Variants in ZIC5 observed in about 807,000 individuals in gnomAD.
ZIC5 encodes zinc finger protein ZIC 5.
ZIC5 carries 20 observed loss-of-function variants against 28.5 expected under a neutral mutation model. That is an observed-to-expected ratio of 0.70 (90% CI 0.49 to 1.02). The LOEUF (loss-of-function observed/expected upper bound fraction) is 1.02. Among genes scored for constraint, ZIC5 ranks in the 50% least tolerant of loss-of-function variants. The pLI, the probability that ZIC5 is intolerant of heterozygous loss-of-function variation, is 0.00. For missense variants in ZIC5, 951 were observed against 899.7 expected (o/e 1.06, Z -0.73); for synonymous variants, 488 against 410.4 (o/e 1.19, Z -2.29).
chr13:99,969,040 G>A (rs998721435), intron 1 of ZIC5, among the ~76,000 whole-genome samples: 1 of 152,236 alleles, frequency 6.6e-6, no homozygotes, highest in African/African-American at 2.4e-5. Flanking sequence ...CCTCCGAGGG[G>A]TAATCGTATC....
At chr13:99,969,010 A>T (rs2053123650) in intron 1 of ZIC5, among the ~76,000 whole-genome samples, 1 of 152,196 alleles carries the variant, frequency 6.6e-6, no homozygotes. Context: ...ACTGAACGTA[A>T]ACTCCAGTTA....
At position 99,964,527 on chromosome 13, in the gene ZIC5, A is replaced by G. The variant is rs1289893142; in HGVS notation, c.*850T>C. ...CATATAGGAAAAAGAAAGCACTTGA[A>G]TTTCTTCTATTTTATAAAATATCAC... is the stretch of plus-strand genomic sequence containing the variant. On this transcript the variant is annotated 3_prime_UTR_variant, in exon 2 of 2. Transcript: ENST00000267294. 6.6e-6 allele frequency: 1 copy of G among 152,258 alleles called. No individual in the cohort carries two copies. The highest frequency in any genetic ancestry group is 1.5e-5 in the Non-Finnish European group (1 of 67,978). 9.4% of individuals were successfully genotyped at this position (152,258 alleles called of 1,614,324 possible).
At chr13:99,966,439 T>G (rs930839363) in intron 1 of ZIC5, among the ~76,000 whole-genome samples, 1 of 152,146 alleles carries the variant, frequency 6.6e-6, no homozygotes, top group Non-Finnish European at 1.5e-5. Context: ...TGTTTTTCTT[T>G]AGAAATAGAG....
rs71114653 is a variant in ZIC5, at chr13:99,970,413, TGGCGGCGGCGGCGGCGGCGGCGGCGGC to T, written c.1164_1190del (p.Pro392_Pro400del). The T allele has an allele frequency of 3.6e-5, 40 of 1,106,666 alleles. 8 individuals carry two copies. Among genetic ancestry groups the T allele is most frequent in the East Asian group, 1.7e-4 (3 of 18,046 alleles). The allele number at this position is 1,106,666 out of a possible 1,614,324, so 68.6% of individuals were successfully genotyped here. ...GCTTGGCGCCGCCGGCCGGGGGCGG[TGGCGGCGGCGGCGGCGGCGGCGGCGGC>T]GGCGGCGGCAGCCCGGCCAGCTCGT... On this transcript the variant is annotated inframe_deletion, in exon 1 of 2. Transcript: ENST00000267294.
chr13:99,969,988 T>G (rs1594284039), intron 1 of ZIC5, 139 bp downstream of exon 1: 1 of 1,319,290 alleles, frequency 7.6e-7, no homozygotes, highest in Non-Finnish European at 1.0e-6. Context: ...CATGTCCGGG[T>G]TATACGTATG....
In ZIC5 at chr13:99,970,550, G is replaced by A. The variant is rs752569231; in HGVS notation, c.1054C>T (p.His352Tyr). 15 of 1,084,438 alleles carry A rather than the reference G, an allele frequency of 1.4e-5. No individual in the cohort carries two copies. The highest frequency in any genetic ancestry group is 1.7e-5 in the Non-Finnish European group (15 of 893,008). The allele number at this position is 1,084,438 out of a possible 1,614,324, so 67.2% of individuals were successfully genotyped here. ...AAGGCCCCAGCCGCCCCTGGGAGGT[G>A]GGGGTGGTGCTGGTGCGGGTGCTGC... ...PAQHPHQHHP[H>Y]LPGAAGAFLR... The change falls in exon 1 of 2, where the codon CAC (histidine) becomes TAC (tyrosine). Residue 352 changes from histidine to tyrosine, a missense_variant. His to Tyr is a moderately conservative substitution (Grantham distance 83, BLOSUM62 2). Transcript: ENST00000267294.
chr13:99,970,252 T>G lies in ZIC5; in HGVS notation c.1352A>C (p.Lys451Thr). ...GCGGATGTGGTTGATGAGCTTGTATTTGGCCTTGAAGGGCTTGCCCTCGCG... is the reference window on the plus strand; with the variant it reads ...GCGGATGTGGTTGATGAGCTTGTATGTGGCCTTGAAGGGCTTGCCCTCGCG... ...CPREGKPFKA[K>T]YKLINHIRVH... The change falls in exon 1 of 2, where the codon AAA becomes ACA. Residue 451 changes from lysine to threonine, a missense_variant. Transcript: ENST00000267294. The G allele has an allele frequency of 6.2e-7, 1 of 1,613,756 alleles. No homozygotes were observed. Among genetic ancestry groups the G allele is most frequent in the Non-Finnish European group, 8.5e-7 (1 of 1,179,856 alleles).
In ZIC5 at chr13:99,970,313, G is replaced by C; in HGVS notation, c.1291C>G (p.Gln431Glu). 1 of 1,613,122 alleles carries C rather than the reference G, an allele frequency of 6.2e-7. No homozygotes were observed. The highest frequency in any genetic ancestry group is 8.5e-7 in the Non-Finnish European group (1 of 1,179,614). Reference protein sequence around the residue: ...VTVEHVGGPEQSSHVCFWEDC... With the variant: ...VTVEHVGGPEESSHVCFWEDC... ...TCCCAGAAGCAGACGTGGCTGCTCT[G>C]CTCGGGGCCTCCCACGTGCTCCACC... is the stretch of plus-strand genomic sequence containing the variant. The change falls in exon 1 of 2, where the codon CAG becomes GAG. Residue 431 changes from glutamine (Q) to glutamate (E), a missense_variant. Coordinates refer to ENST00000267294, the MANE Select transcript of ZIC5 (RefSeq NM_033132.5).
chr13:99,971,880 C>G (rs2053164301), upstream of ZIC5: 1 of 654,858 alleles, frequency 1.5e-6, no homozygotes, highest in Non-Finnish European at 2.6e-6. Context: ...GGCTCCCGTT[C>G]AGGCCCTCGA....
At chr13:99,966,680 T>A (rs1375687198) in intron 1 of ZIC5, among the ~76,000 whole-genome samples, 1 of 152,168 alleles carries the variant, frequency 6.6e-6, no homozygotes, top group Non-Finnish European at 1.5e-5. Flanking sequence ...TGCTTACTAG[T>A]CAAAAAGACC....
chr13:99,970,811 C>A lies in ZIC5; in HGVS notation c.793G>T (p.Ala265Ser). 1 of 1,208,684 alleles carries A rather than the reference C, an allele frequency of 8.3e-7. No individual in the cohort carries two copies. Among genetic ancestry groups the A allele is most frequent in the Non-Finnish European group, 1.0e-6 (1 of 977,506 alleles). 74.9% of individuals were successfully genotyped at this position (1,208,684 alleles called of 1,614,324 possible). A position where few individuals can be genotyped will look rare whatever the true frequency, so the allele number is the denominator to read the frequency against. ...GQMRLGLAAA[A>S]AAAAAELYGR... ...TACAGCTCAGCCGCCGCGGCTGCCG[C>A]TGCCGCCGCCAGCCCCAGGCGCATC... is the stretch of plus-strand genomic sequence containing the variant. The change falls in exon 1 of 2, where the codon GCG (alanine) becomes TCG (serine). Residue 265 changes from alanine to serine, a missense_variant. Around this residue, in one of 3 missense-constraint regions of ZIC5, gnomAD observed 784 missense variants for 660.1 expected, o/e 1.19. Transcript: ENST00000267294.
In ZIC5 at chr13:99,971,000, C is replaced by G. The variant is rs930308597; in HGVS notation, c.604G>C (p.Gly202Arg). Residue 202 changes from glycine to arginine, a missense_variant, in exon 1 of 2, where the codon GGC (glycine) becomes CGC (arginine). This residue lies in a region of ZIC5 where 784 missense variants were observed against 660.1 expected (regional missense o/e 1.19). Coordinates refer to ENST00000267294, the MANE Select transcript of ZIC5 (RefSeq NM_033132.5). ...PLGGEQRSGT[G>R]SPQHPAPPPH... ...GGCGGGGCCGGGTGCTGGGGGGAGC[C>G]GGTGCCGGACCGCTGCTCCCCTCCG... 7 of 1,405,496 alleles carry G rather than the reference C, an allele frequency of 5.0e-6. No homozygotes were observed. In the Admixed American group the frequency reaches 1.5e-4, roughly 31 times the overall value. The allele number at this position is 1,405,496 out of a possible 1,614,324, so 87.1% of individuals were successfully genotyped here.
At chr13:99,966,347 T>C (rs1276204857) in intron 1 of ZIC5, among the ~76,000 whole-genome samples, 1 of 152,170 alleles carries the variant, frequency 6.6e-6, no homozygotes, top group African/African-American at 2.4e-5. Flanking sequence ...TTCCTTTCAG[T>C]GTTCTCCAGG....
At chr13:99,968,455 G>A (rs916801570) in intron 1 of ZIC5, among the ~76,000 whole-genome samples, 1 of 152,018 alleles carries the variant, frequency 6.6e-6, no homozygotes, top group East Asian at 1.9e-4. Flanking sequence ...CCCCACGCAC[G>A]CGCGCGTGCC....
At position 99,971,250 on chromosome 13, in the gene ZIC5, G is replaced by T; in HGVS notation, c.354C>A (p.Ser118Arg). ...GAGSYPCGGG[S>R]SGAQPSAPPP... ...GGGGCGCGGAGGGCTGCGCGCCACT[G>T]CTGCCCCCGCCGCAGGGGTAGCTGC... The change falls in exon 1 of 2, where the codon AGC becomes AGA. Residue 118 changes from serine (S) to arginine (R), a missense_variant. Ser to Arg is a moderately radical substitution (Grantham distance 110). Around this residue, in one of 3 missense-constraint regions of ZIC5, gnomAD observed 784 missense variants for 660.1 expected, o/e 1.19. Transcript: ENST00000267294. 7.5e-7 allele frequency: 1 copy of T among 1,325,744 alleles called. No individual in the cohort carries two copies. The highest frequency in any genetic ancestry group is 9.6e-7 in the Non-Finnish European group (1 of 1,046,510). 82.1% of individuals were successfully genotyped at this position (1,325,744 alleles called of 1,614,324 possible).
At position 99,963,168 on chromosome 13, in the gene ZIC5, C is replaced by T. The variant is rs2053069994; in HGVS notation, c.*2209G>A. On this transcript the variant is annotated 3_prime_UTR_variant, in exon 2 of 2. Transcript: ENST00000267294. Reference sequence around the variant, plus strand: ...GAGTTAACCTATGCATGGTAAAATACATAAAATACATATTCCTTTGTTTCA... The same window carrying T: ...GAGTTAACCTATGCATGGTAAAATATATAAAATACATATTCCTTTGTTTCA... The T allele has an allele frequency of 6.6e-6, 1 of 152,390 alleles. No individual in the cohort carries two copies. The allele number at this position is 152,390 out of a possible 1,614,324, so 9.4% of individuals were successfully genotyped here.
intron 1 of ZIC5, 58 bp downstream of exon 1, chr13:99,970,057 AGCGGCGGAAGCG>A: frequency 6.3e-7 from 1 of 1,593,034 alleles, no homozygotes; most frequent in East Asian, 2.3e-5. Flanking sequence ...GAGGAGAAGC[AGCGGCGGAAGCG>A]GCGGCGGCGC....
Position 99,970,151 on chromosome 13 carries a change from T to C in ZIC5, c.1453A>G (p.Lys485Glu). ...CCTGTATGAGTACGCTTGTGGATCT[T>C]GAGGTTCTCGGAGCGCGCGAAGACC... Reference protein sequence around the residue: ...GKVFARSENLKIHKRTHTGEK... With the variant: ...GKVFARSENLEIHKRTHTGEK... The change falls in exon 1 of 2, where the codon AAG (lysine) becomes GAG (glutamate). Residue 485 changes from lysine to glutamate, a missense_variant. This residue lies in a region of ZIC5 where 59 missense variants were observed against 121.2 expected (regional missense o/e 0.49). Coordinates refer to ENST00000267294, the MANE Select transcript of ZIC5 (RefSeq NM_033132.5). The C allele has an allele frequency of 6.2e-7, 1 of 1,604,412 alleles. No individual in the cohort carries two copies. Among genetic ancestry groups the C allele is most frequent in the Non-Finnish European group, 8.5e-7 (1 of 1,176,956 alleles).
intron 1 of ZIC5, among the ~76,000 whole-genome samples, chr13:99,969,275 G>A (rs1238170683): frequency 6.6e-6 from 1 of 152,202 alleles, no homozygotes; most frequent in Non-Finnish European, 1.5e-5. Context: ...AGGCCTCACC[G>A]ATGGTGGGAG....
Sources: allele counts gnomAD v4.1 joint callset (sites outside exome capture counted in the v4.1 genomes callset), GRCh38; gene constraint gnomAD v4.1.1; regional missense constraint gnomAD v4.1.1; transcripts MANE v1.5; gene names NCBI Gene and HGNC (gene_info 2026-07-23, HGNC 2026-07-21).